Variants in SULF2 observed in about 807,000 individuals in gnomAD.
The protein encoded by SULF2 is extracellular sulfatase Sulf-2.
Under a neutral mutation model 107.7 loss-of-function variants are expected in SULF2, and 52 were observed. The observed-to-expected ratio is 0.48, with a 90% CI of 0.39 to 0.61. The LOEUF (loss-of-function observed/expected upper bound fraction) is 0.61. Among genes scored for constraint, SULF2 ranks in the 20% least tolerant of loss-of-function variants. The pLI is 0.00. For missense variants in SULF2, 993 were observed against 1,177.3 expected (o/e 0.84, Z 2.29); for synonymous variants, 460 against 464.3 (o/e 0.99, Z 0.12).
chr20:47,703,312 T>C (rs1471319700), intron 3 of SULF2, among the ~76,000 whole-genome samples: 1 of 152,254 alleles, frequency 6.6e-6, no homozygotes, highest in Admixed American at 6.5e-5. Flanking sequence ...ACTGGTGATT[T>C]CTACAGATGA....
In SULF2 at chr20:47,736,917, G is replaced by A; in HGVS notation, c.201C>T (p.Thr67=). 2 of 1,614,202 alleles carry A rather than the reference G, an allele frequency of 1.2e-6. No individual in the cohort carries two copies. The highest frequency in any genetic ancestry group is 3.3e-4 in the Middle Eastern group (2 of 6,062). The change falls in exon 3 of 21, where the codon ACC becomes ACT. Residue 67 remains threonine (T), a synonymous_variant. Coordinates refer to ENST00000688720, the MANE Select transcript of SULF2 (RefSeq NM_001387048.1). ...CCCCGCCCTGCTCCATGATGCGCCGGGTCTTGTTCATCACCTGCATGGAAC... is the reference window on the plus strand; with the variant it reads ...CCCCGCCCTGCTCCATGATGCGCCGAGTCTTGTTCATCACCTGCATGGAAC... The part of the protein sequence containing the change: ...ELGSMQVMNK[T]RRIMEQGGAH...
At chr20:47,766,463 C>A (rs1452365131) in intron 1 of SULF2, among the ~76,000 whole-genome samples, 1 of 152,150 alleles carries the variant, frequency 6.6e-6, no homozygotes, top group Non-Finnish European at 1.5e-5. Flanking sequence ...GGTTTCAAGA[C>A]AAAGGCTCAG....
At chr20:47,698,506 CAGG>C (rs138289252) in intron 4 of SULF2, among the ~76,000 whole-genome samples, 9,768 of 152,148 alleles carry the variant, frequency 0.064, 320 homozygotes, top group Middle Eastern at 0.078. Context: ...GCACTGCTAC[CAGG>C]AGGAGAGAGA....
chr20:47,774,651 T>C (rs887277355), intron 1 of SULF2, among the ~76,000 whole-genome samples: 2 of 152,182 alleles, frequency 1.3e-5, no homozygotes, highest in Non-Finnish European at 2.9e-5. Flanking sequence ...CGTTTTAAAA[T>C]GTTCATTGCT....
At chr20:47,698,772 C>G (rs1170446012) in intron 4 of SULF2, among the ~76,000 whole-genome samples, 1 of 152,170 alleles carries the variant, frequency 6.6e-6, no homozygotes. Context: ...TGGCTCACAC[C>G]TGTAATCCCA....
intron 1 of SULF2, among the ~76,000 whole-genome samples, chr20:47,782,182 C>T (rs1010027966): frequency 6.6e-6 from 1 of 152,200 alleles, no homozygotes; most frequent in Non-Finnish European, 1.5e-5. Flanking sequence ...CCAGCAGATA[C>T]GGATGGACTG....
chr20:47,664,731 G>A (rs2087203142), intron 14 of SULF2, among the ~76,000 whole-genome samples: 1 of 152,196 alleles, frequency 6.6e-6, no homozygotes, highest in South Asian at 2.1e-4. Flanking sequence ...AAAAAATTTG[G>A]CTCCTTAGTG....
intron 3 of SULF2, among the ~76,000 whole-genome samples, chr20:47,728,810 T>A (rs542428804): frequency 6.6e-6 from 1 of 152,084 alleles, no homozygotes; most frequent in Non-Finnish European, 1.5e-5. Context: ...CACATCCAGC[T>A]AATTTTTGTA....
intron 1 of SULF2, among the ~76,000 whole-genome samples, chr20:47,766,130 C>G (rs2090524157): frequency 6.6e-6 from 1 of 152,176 alleles, no homozygotes; most frequent in Non-Finnish European, 1.5e-5. Flanking sequence ...GGTCCCAAAC[C>G]TCACAAGCCC....
intron 9 of SULF2, 123 bp from the exon 10 acceptor site, chr20:47,676,746 C>G: frequency 1.7e-6 from 2 of 1,182,142 alleles, no homozygotes; most frequent in Non-Finnish European, 2.3e-6. Context: ...GTGGAGGGCG[C>G]AGGGCCACCT....
At chr20:47,701,683 T>A (rs2088574300) in intron 4 of SULF2, among the ~76,000 whole-genome samples, 1 of 152,180 alleles carries the variant, frequency 6.6e-6, no homozygotes, top group Admixed American at 6.5e-5. Flanking sequence ...AAATGCCCAA[T>A]AAAAGTAGAA....
chr20:47,779,614 A>T (rs6090733), intron 1 of SULF2, among the ~76,000 whole-genome samples: 65,986 of 151,934 alleles, frequency 0.43, 15,849 homozygotes, highest in African/African-American at 0.66. Flanking sequence ...TTTATTTTTT[A>T]ATTTATTTTT....
intron 2 of SULF2, among the ~76,000 whole-genome samples, chr20:47,747,851 C>T (rs1433411172): frequency 1.3e-5 from 2 of 152,138 alleles, no homozygotes; most frequent in Non-Finnish European, 2.9e-5. Context: ...CCCTCACCCA[C>T]CCACTCACGA....
At chr20:47,771,153 C>T (rs1254498394) in intron 1 of SULF2, among the ~76,000 whole-genome samples, 1 of 152,198 alleles carries the variant, frequency 6.6e-6, no homozygotes. Flanking sequence ...GAAACCCGAT[C>T]TGATCCCTGG....
intron 1 of SULF2, among the ~76,000 whole-genome samples, chr20:47,759,675 G>C (rs4586693): frequency 0.14 from 21,361 of 152,176 alleles, 1,892 homozygotes; most frequent in South Asian, 0.38. Flanking sequence ...CTGGGTGACA[G>C]AGTGAGACTC....
chr20:47,683,708 A>G (rs922397569), intron 6 of SULF2, among the ~76,000 whole-genome samples: 3 of 152,256 alleles, frequency 2.0e-5, no homozygotes, highest in African/African-American at 7.2e-5. Context: ...GGCTTGTGTG[A>G]CAGAAGAACT....
At chr20:47,710,361 A>G (rs2088887119) in intron 3 of SULF2, among the ~76,000 whole-genome samples, 1 of 151,768 alleles carries the variant, frequency 6.6e-6, no homozygotes. Flanking sequence ...CTCTATTAAC[A>G]TGTTCACGTA....
At chr20:47,784,159 C>T (rs2090879865) in intron 1 of SULF2, among the ~76,000 whole-genome samples, 1 of 152,152 alleles carries the variant, frequency 6.6e-6, no homozygotes, top group Non-Finnish European at 1.5e-5. Context: ...GCGCAGCCTC[C>T]CCTTCTCTGC....
rs530621142 is a variant in SULF2, at chr20:47,751,825, G to A, written c.175+5364C>T. On this transcript the variant is annotated intron_variant, in intron 2 of 20. Coordinates refer to ENST00000688720, the MANE Select transcript of SULF2 (RefSeq NM_001387048.1). ...ACACACGCGTTTTTAACACCCAGTG[G>A]AAGGCTGGTTCCCATGGCACTTTTG... Among the ~76,000 whole-genome samples, 4 of 152,330 alleles carry A rather than the reference G, an allele frequency of 2.6e-5. No individual in the cohort carries two copies. In the South Asian group the frequency reaches 8.3e-4, roughly 32 times the overall value.
Sources: gnomAD v4.1 joint callset for allele counts (sites outside exome capture counted in the v4.1 genomes callset) on GRCh38, gnomAD v4.1.1 for gene constraint, MANE v1.5 for transcripts, NCBI Gene and HGNC (gene_info 2026-07-23, HGNC 2026-07-21) for gene names.